Variants in ZFAND6 observed in about 807,000 individuals in gnomAD.
ZFAND6 encodes AN1-type zinc finger protein 6.
A neutral mutation model predicts 24.5 loss-of-function variants in ZFAND6; 12 were observed. The observed-to-expected ratio is 0.49, with a 90% CI of 0.31 to 0.79. The LOEUF is 0.79. Ranked by LOEUF, ZFAND6 falls within the 30% of genes least tolerant of loss-of-function variation. The pLI is 0.04. For synonymous variants in ZFAND6, 92 were observed against 81.5 expected (o/e 1.13, Z -0.69); for missense variants, 207 against 245.9 (o/e 0.84, Z 1.06).
At chr15:80,118,733 G>A (rs894082277) in intron 2 of ZFAND6, among the ~76,000 whole-genome samples, 1 of 152,034 alleles carries the variant, frequency 6.6e-6, no homozygotes, top group Non-Finnish European at 1.5e-5. Context: ...ATAGGCTAAA[G>A]GTTTAACTAT....
chr15:80,065,077 ACTTT>A (rs1484889484), intron 1 of ZFAND6, among the ~76,000 whole-genome samples: 10 of 143,528 alleles, frequency 7.0e-5, no homozygotes, highest in African/African-American at 2.6e-4. Flanking sequence ...TTAGGTTAAT[ACTTT>A]CTTTTATGGC....
In ZFAND6 at chr15:80,064,601, TATAC is replaced by T. The variant is rs1240431177; in HGVS notation, c.-181+4798_-181+4801del. On this transcript the variant is annotated intron_variant, in intron 1 of 6. Coordinates refer to ENST00000261749, the MANE Select transcript of ZFAND6 (RefSeq NM_019006.4). ...ATACACACAAATATATATACACATG[TATAC>T]ATACACACACACACACACACACACG... 9.4e-5 allele frequency among the ~76,000 whole-genome samples: 7 copies of T among 74,154 alleles called. 1 individual carries two copies. Among genetic ancestry groups the T allele is most frequent in the Non-Finnish European group, 1.7e-4 (6 of 35,096 alleles). The allele number at this position is 74,154 out of a possible 152,430, so 48.6% of individuals were successfully genotyped here.
chr15:80,066,809 A>G (rs983952398), intron 1 of ZFAND6, among the ~76,000 whole-genome samples: 8 of 151,270 alleles, frequency 5.3e-5, no homozygotes, highest in Non-Finnish European at 7.4e-5. Flanking sequence ...AGGCAGGAGA[A>G]TCACTTGAAA....
rs1026964456 is a variant in ZFAND6, at chr15:80,131,181, T to C, written c.366T>C (p.Ala122=). The change falls in exon 6 of 7, where the codon GCT becomes GCC. Residue 122 remains alanine, a splice_region_variant and synonymous_variant. Coordinates refer to ENST00000261749, the MANE Select transcript of ZFAND6 (RefSeq NM_019006.4). Reference sequence around the variant, plus strand: ...TTGCCACCTTCGTATTTTTGTTAGCTTCAGTATCAGACACAGCACAGCAGC... The same window carrying C: ...TTGCCACCTTCGTATTTTTGTTAGCCTCAGTATCAGACACAGCACAGCAGC... ...KAVPETEDVQ[A]SVSDTAQQPS... The C allele has an allele frequency of 6.5e-7, 1 of 1,547,396 alleles. No homozygotes were observed.
At chr15:80,062,055 A>T (rs1376924604) in intron 1 of ZFAND6, among the ~76,000 whole-genome samples, 3 of 152,304 alleles carry the variant, frequency 2.0e-5, no homozygotes, top group African/African-American at 7.2e-5. Context: ...ACTGTTTGGT[A>T]TCTCCTTTTC....
rs74025977 is a variant in ZFAND6, at chr15:80,062,957, T to A, written c.-181+3148T>A. The stretch of plus-strand genomic sequence containing the variant: ...ATCTGCCTCACCATCTTATTTCATA[T>A]AAGATGATAATAGAAGTCATCTGTT... On this transcript the variant is annotated intron_variant, in intron 1 of 6. Transcript: ENST00000261749. Among the ~76,000 whole-genome samples the A allele has an allele frequency of 5.6e-3, 858 of 152,350 alleles. 8 individuals carry two copies. The highest frequency in any genetic ancestry group is 0.02 in the African/African-American group (811 of 41,578).
chr15:80,102,395 G>A (rs1338844704), intron 2 of ZFAND6, among the ~76,000 whole-genome samples: 2 of 152,188 alleles, frequency 1.3e-5, no homozygotes, highest in Non-Finnish European at 1.5e-5. Context: ...GATTACAGGT[G>A]TGAGCCCCCG....
At chr15:80,094,333 CACTGGA>C (rs147406821) in intron 1 of ZFAND6, among the ~76,000 whole-genome samples, 1,956 of 152,294 alleles carry the variant, frequency 0.013, 34 homozygotes, top group African/African-American at 0.045. Context: ...AGATCAGCAA[CACTGGA>C]TTCTCATAGG....
At position 80,096,771 on chromosome 15, in the gene ZFAND6, A is replaced by T. The variant is rs974661862; in HGVS notation, c.-180-1645A>T. ...CAATATACATATTAGCCCAGTGTAC[A>T]TATAGGGGAAAGGTATAGCCCAGTG... On this transcript the variant is annotated intron_variant, in intron 1 of 6. Coordinates refer to ENST00000261749, the MANE Select transcript of ZFAND6 (RefSeq NM_019006.4). Among the ~76,000 whole-genome samples, 39 of 152,286 alleles carry T rather than the reference A, an allele frequency of 2.6e-4. 1 individual carries two copies. The highest frequency in any genetic ancestry group is 1.6e-3 in the Admixed American group (25 of 15,286).
At chr15:80,097,788 TAC>T (rs1489098804) in intron 1 of ZFAND6, among the ~76,000 whole-genome samples, 1 of 152,242 alleles carries the variant, frequency 6.6e-6, no homozygotes, top group Admixed American at 6.5e-5. Context: ...GTTCTTAATT[TAC>T]AGACTTTCTG....
intron 5 of ZFAND6, among the ~76,000 whole-genome samples, chr15:80,123,339 G>A (rs1270263591): frequency 1.3e-5 from 2 of 152,176 alleles, no homozygotes; most frequent in Non-Finnish European, 2.9e-5. Context: ...AGGAAGACTT[G>A]AAAATTTGTA....
At chr15:80,104,378 G>A (rs1445682524) in intron 2 of ZFAND6, among the ~76,000 whole-genome samples, 1 of 152,128 alleles carries the variant, frequency 6.6e-6, no homozygotes, top group Non-Finnish European at 1.5e-5. Context: ...CAAAAATTAG[G>A]TATGGTGGTG....
intron 2 of ZFAND6, among the ~76,000 whole-genome samples, chr15:80,108,460 G>A (rs1156627409): frequency 1.3e-5 from 2 of 152,202 alleles, no homozygotes; most frequent in African/African-American, 4.8e-5. Flanking sequence ...GAATGTGGAA[G>A]CCAGTGGGAA....
intron 2 of ZFAND6, among the ~76,000 whole-genome samples, chr15:80,118,091 A>G (rs1210427319): frequency 4.6e-5 from 7 of 151,954 alleles, no homozygotes; most frequent in East Asian, 3.9e-4. Flanking sequence ...ATATACACAC[A>G]TTATACATAG....
At chr15:80,096,841 T>C (rs2038751931) in intron 1 of ZFAND6, among the ~76,000 whole-genome samples, 1 of 152,182 alleles carries the variant, frequency 6.6e-6, no homozygotes, top group Non-Finnish European at 1.5e-5. Flanking sequence ...TAGGATGTTT[T>C]AATTGAAGTG....
At chr15:80,086,852 A>G (rs541816788) in intron 1 of ZFAND6, among the ~76,000 whole-genome samples, 1 of 152,320 alleles carries the variant, frequency 6.6e-6, no homozygotes, top group East Asian at 1.9e-4. Context: ...GGTAACCAAC[A>G]TTGTTTCTGT....
intron 1 of ZFAND6, among the ~76,000 whole-genome samples, chr15:80,080,497 T>C (rs2037598285): frequency 6.6e-6 from 1 of 152,174 alleles, no homozygotes; most frequent in Non-Finnish European, 1.5e-5. Context: ...AATAATAGAA[T>C]AATTATACTG....
At chr15:80,093,594 G>A (rs1411434893) in intron 1 of ZFAND6, among the ~76,000 whole-genome samples, 3 of 152,072 alleles carry the variant, frequency 2.0e-5, no homozygotes, top group Non-Finnish European at 2.9e-5. Flanking sequence ...GCATGGTGGC[G>A]CATGCCTGTA....
intron 1 of ZFAND6, 84 bp from the exon 2 acceptor site, chr15:80,098,332 G>A (rs1449806127): frequency 6.6e-6 from 1 of 152,126 alleles, no homozygotes; most frequent in Non-Finnish European, 1.5e-5. Context: ...AATAGCGAAA[G>A]CACTCCTTAA....
Sources: allele counts gnomAD v4.1 joint callset (sites outside exome capture counted in the v4.1 genomes callset), GRCh38; gene constraint gnomAD v4.1.1; transcripts MANE v1.5; gene names NCBI Gene and HGNC (gene_info 2026-07-23, HGNC 2026-07-21).